The following ZC4H2 variants were observed in gnomAD, a reference collection of about 807,000 sequenced individuals.
The protein encoded by ZC4H2 is zinc finger C4H2-type containing.
For synonymous variants in ZC4H2, 84 were observed against 66.3 expected, an observed-to-expected ratio of 1.27 and a Z score of -1.30; for missense variants, 137 against 173.9, an observed-to-expected ratio of 0.79 and a Z score of 1.19.
chrX:64,993,816 A>G lies in ZC4H2; in HGVS notation c.-272+40813T>C, dbSNP rs180976184. Among the ~76,000 whole-genome samples the G allele has an allele frequency of 4.5e-5, 5 of 112,173 alleles. No individual in the cohort carries two copies. In the East Asian group the frequency reaches 1.4e-3, roughly 31 times the overall value. On this transcript the variant is annotated intron_variant, in intron 1 of 4. Transcript: ENST00000337990. Reference sequence around the variant, plus strand: ...AATAAGAAGAAATGTTTGAGCACTTATGTGCAAACACTCTGCTTGGTGCTT... The same window carrying G: ...AATAAGAAGAAATGTTTGAGCACTTGTGTGCAAACACTCTGCTTGGTGCTT...
chrX:65,017,800 G>A (rs1932807386), intron 1 of ZC4H2, among the ~76,000 whole-genome samples: 2 of 111,943 alleles, frequency 1.8e-5, no homozygotes, highest in Admixed American at 1.9e-4. Flanking sequence ...ACAATCTTAA[G>A]CAAAAATAAC....
intron 1 of ZC4H2, among the ~76,000 whole-genome samples, chrX:64,953,905 C>G (rs765645707): frequency 9.0e-6 from 1 of 111,222 alleles, no homozygotes; most frequent in Admixed American, 9.6e-5. Flanking sequence ...ATAGCAAAGA[C>G]TTGGAACCAA....
At chrX:64,928,632 C>CCTTCTTCTT (rs753426558) in intron 1 of ZC4H2, among the ~76,000 whole-genome samples, 4,925 of 83,277 alleles carry the variant, frequency 0.059, 202 homozygotes, top group African/African-American at 0.1. Context: ...CCTGCTTTCT[C>CCTTCTTCTT]CTTCTTCTTC....
chrX:64,954,671 A>C (rs913189766), intron 1 of ZC4H2, among the ~76,000 whole-genome samples: 2 of 107,829 alleles, frequency 1.9e-5, no homozygotes. Context: ...CCTGAAAATC[A>C]CTCTTCAATA....
intron 1 of ZC4H2, among the ~76,000 whole-genome samples, chrX:64,996,613 A>C (rs964442427): frequency 8.9e-6 from 1 of 112,273 alleles, no homozygotes; most frequent in African/African-American, 3.2e-5. Context: ...TGTATGAACA[A>C]AATTAAAATA....
At chrX:64,982,790 A>T (rs1274545438) in intron 1 of ZC4H2, among the ~76,000 whole-genome samples, 1 of 112,277 alleles carries the variant, frequency 8.9e-6, no homozygotes, top group Non-Finnish European at 1.9e-5. Flanking sequence ...GAAAAGATGG[A>T]CAGATTCAAC....
chrX:64,978,387 C>A (rs1347344118), upstream of ZC4H2, among the ~76,000 whole-genome samples: 1 of 112,121 alleles, frequency 8.9e-6, no homozygotes, highest in African/African-American at 3.2e-5. Context: ...TCTTGTACAG[C>A]CACTAGTTGG....
intron 1 of ZC4H2, among the ~76,000 whole-genome samples, chrX:65,010,464 T>A (rs1031199137): frequency 8.9e-6 from 1 of 112,264 alleles, no homozygotes; most frequent in Non-Finnish European, 1.9e-5. Context: ...GACTTTCAAA[T>A]CTTTTTTTTT....
chrX:64,964,886 C>T (rs1432685246), intron 1 of ZC4H2, among the ~76,000 whole-genome samples: 3 of 111,626 alleles, frequency 2.7e-5, no homozygotes, highest in African/African-American at 9.8e-5. Context: ...ATGTTTCTTA[C>T]ATTATATGTG....
At chrX:64,921,717 C>A (rs1929202592) in intron 2 of ZC4H2, 100 bp downstream of exon 2, 1 of 945,798 alleles carries the variant, frequency 1.1e-6, no homozygotes, top group Non-Finnish European at 1.4e-6. Flanking sequence ...GATGCCTGCT[C>A]CCCGAGCTAG....
chrX:65,009,771 G>A (rs1435025742), intron 1 of ZC4H2, among the ~76,000 whole-genome samples: 2 of 111,596 alleles, frequency 1.8e-5, no homozygotes, highest in Non-Finnish European at 3.8e-5. Flanking sequence ...GGGGGCAAGG[G>A]TAACCAACAT....
At chrX:64,950,354 T>G (rs1930740757) in intron 1 of ZC4H2, among the ~76,000 whole-genome samples, 2 of 111,807 alleles carry the variant, frequency 1.8e-5, no homozygotes, top group South Asian at 7.5e-4. Context: ...TCTGTAGATG[T>G]CTATTAGGTC....
chrX:64,984,171 A>G (rs1368678158), intron 1 of ZC4H2, among the ~76,000 whole-genome samples: 2 of 111,335 alleles, frequency 1.8e-5, no homozygotes, highest in Admixed American at 9.6e-5. Context: ...GTTTCCACTT[A>G]TAAGTGAGAA....
chrX:64,937,038 GAC>G (rs1930044637), intron 1 of ZC4H2, among the ~76,000 whole-genome samples: 1 of 108,928 alleles, frequency 9.2e-6, no homozygotes, highest in South Asian at 4.0e-4. Flanking sequence ...CACATGCAAA[GAC>G]ACACATAGGC....
intron 1 of ZC4H2, among the ~76,000 whole-genome samples, chrX:65,028,705 T>A (rs773498671): frequency 1.4e-4 from 16 of 111,012 alleles, no homozygotes; most frequent in Non-Finnish European, 1.9e-4. Context: ...CTAATTTTTG[T>A]ATTTTTAGTA....
rs1361669364 is a variant in ZC4H2 at position 64,920,148 on chromosome X, G to T, written c.331C>A (p.Leu111Met). ...YKPLKEHVDALRMTLGLQRLP... is the reference protein window; with the variant it reads ...YKPLKEHVDAMRMTLGLQRLP... ...CTCTGCAGGCCCAGAGTCATGCGCA[G>T]GGCATCCACATGTTCTTTCAGTGGC... The change falls in exon 3 of 5, where the codon CTG becomes ATG. Residue 111 changes from leucine (L) to methionine (M), a missense_variant. Transcript: ENST00000374839. 9.9e-6 allele frequency: 12 copies of T among 1,209,879 alleles called. No homozygotes were observed. In the African/African-American group the frequency reaches 1.2e-4, roughly 12 times the overall value.
intron 1 of ZC4H2, among the ~76,000 whole-genome samples, chrX:65,033,408 G>T (rs1932962107): frequency 9.0e-6 from 1 of 111,550 alleles, no homozygotes; most frequent in African/African-American, 3.3e-5. Context: ...TTAACTGGAG[G>T]GTTTATGCAG....
At chrX:65,023,082 T>C (rs1421965794) in intron 1 of ZC4H2, among the ~76,000 whole-genome samples, 2 of 111,757 alleles carry the variant, frequency 1.8e-5, no homozygotes, top group Admixed American at 9.5e-5. Context: ...TAGTTTGAAG[T>C]CAGGTAGCAT....
At chrX:65,031,162 T>C (rs1353824284) in intron 1 of ZC4H2, among the ~76,000 whole-genome samples, 2 of 112,122 alleles carry the variant, frequency 1.8e-5, no homozygotes, top group African/African-American at 6.5e-5. Flanking sequence ...AACTTTGGCA[T>C]GGCATACAAG....
Sources: allele counts gnomAD v4.1 joint callset (sites outside exome capture counted in the v4.1 genomes callset), GRCh38; gene constraint gnomAD v4.1.1; transcripts MANE v1.5; gene names NCBI Gene and HGNC (gene_info 2026-07-23, HGNC 2026-07-21).